The following CORIN variants were observed in gnomAD, a reference collection of about 807,000 sequenced individuals.
CORIN encodes atrial natriuretic peptide-converting enzyme.
A neutral mutation model predicts 125.3 loss-of-function variants in CORIN; 117 were observed. That is an observed-to-expected ratio of 0.93 (90% CI 0.80 to 1.09). The LOEUF is 1.09. CORIN is among the 50% of genes least tolerant of loss of function. The pLI is 0.00. For missense variants in CORIN, 1,253 were observed against 1,306.7 expected, an observed-to-expected ratio of 0.96 and a Z score of 0.63; for synonymous variants, 450 against 466.4, an observed-to-expected ratio of 0.96 and a Z score of 0.45.
intron 6 of CORIN, among the ~76,000 whole-genome samples, chr4:47,689,926 G>C (rs1213720463): frequency 6.6e-6 from 1 of 152,180 alleles, no homozygotes; most frequent in African/African-American, 2.4e-5. Flanking sequence ...GGTTACAGAA[G>C]TGGCCTGCCT....
chr4:47,823,108 C>T (rs1008677663), intron 1 of CORIN, among the ~76,000 whole-genome samples: 2 of 152,172 alleles, frequency 1.3e-5, no homozygotes, highest in African/African-American at 2.4e-5. Context: ...CCACCGTACC[C>T]GGCCCCATTT....
At chr4:47,737,368 GC>G (rs1392551290) in intron 5 of CORIN, among the ~76,000 whole-genome samples, 9 of 152,084 alleles carry the variant, frequency 5.9e-5, no homozygotes, top group Non-Finnish European at 1.0e-4. Flanking sequence ...ACATTTGCTG[GC>G]CCACTGCCTT....
intron 1 of CORIN, among the ~76,000 whole-genome samples, chr4:47,810,204 T>C (rs1045391199): frequency 3.3e-5 from 5 of 152,216 alleles, no homozygotes; most frequent in Admixed American, 6.5e-5. Context: ...TTGTTTTGTT[T>C]TGAGACAGGG....
At position 47,776,089 on chromosome 4, in the gene CORIN, G is replaced by A. The variant is rs13147961; in HGVS notation, c.409+10636C>T. Among the ~76,000 whole-genome samples the A allele has an allele frequency of 4.9e-4, 68 of 137,910 alleles. 2 individuals are homozygous for A. The highest frequency in any genetic ancestry group is 4.6e-4 in the South Asian group (2 of 4,384). 90.5% of individuals were successfully genotyped at this position (137,910 alleles called of 152,430 possible). ...GGCTGGAGTGCAATGGCAAGATCTC[G>A]GCTCACTTCAACTTCAACCTCCCAG... On this transcript the variant is annotated intron_variant, in intron 3 of 21. Transcript: ENST00000273857.
rs764807532 is a variant in CORIN, at chr4:47,643,263, T to A, written c.1958-7A>T. ...TCATCATCTTGGCAAAATGCTGGCA[T>A]GGGGAACAAAAAGTGAGAAGGAAAA... On this transcript the variant is annotated splice_region_variant and splice_polypyrimidine_tract_variant and intron_variant, in intron 14 of 21. Coordinates refer to ENST00000273857, the MANE Select transcript of CORIN (RefSeq NM_006587.4). The A allele has an allele frequency of 7.6e-6, 12 of 1,587,350 alleles. No individual in the cohort carries two copies. The African/African-American group carries it at 1.5e-4, about 20-fold the overall frequency.
At chr4:47,780,548 C>T (rs1012763429) in intron 3 of CORIN, among the ~76,000 whole-genome samples, 22 of 152,112 alleles carry the variant, frequency 1.4e-4, no homozygotes, top group Admixed American at 1.3e-3. Context: ...CTCCAAAAAT[C>T]TACTCCTCCA....
At chr4:47,666,515 T>A (rs866568478) in intron 10 of CORIN, among the ~76,000 whole-genome samples, 3 of 152,216 alleles carry the variant, frequency 2.0e-5, no homozygotes, top group African/African-American at 7.2e-5. Flanking sequence ...CAGGGTAGGA[T>A]AGAGTTTGCA....
chr4:47,806,840 C>G (rs1226730938), intron 2 of CORIN, 63 bp downstream of exon 2: 16 of 1,498,594 alleles, frequency 1.1e-5, no homozygotes, highest in Non-Finnish European at 1.4e-5. Flanking sequence ...GTAGAAATCA[C>G]TCTTCTAGAT....
intron 12 of CORIN, among the ~76,000 whole-genome samples, chr4:47,658,436 A>G (rs1323007079): frequency 6.6e-6 from 1 of 152,236 alleles, no homozygotes. Flanking sequence ...TGGATCTACC[A>G]TTCTGGAGTC....
At chr4:47,630,054 G>T (rs1345804877) in intron 16 of CORIN, among the ~76,000 whole-genome samples, 1 of 152,122 alleles carries the variant, frequency 6.6e-6, no homozygotes, top group African/African-American at 2.4e-5. Flanking sequence ...CATAGTGTTT[G>T]TTACATGGAT....
intron 19 of CORIN, among the ~76,000 whole-genome samples, chr4:47,622,063 T>C (rs369662541): frequency 0.25 from 31,409 of 124,828 alleles, 3,931 homozygotes; most frequent in Admixed American, 0.35. Context: ...TGTGATCTCA[T>C]TGTTCAATTC....
At chr4:47,687,130 C>T (rs1725555736) in intron 6 of CORIN, among the ~76,000 whole-genome samples, 1 of 152,150 alleles carries the variant, frequency 6.6e-6, no homozygotes, top group Non-Finnish European at 1.5e-5. Context: ...GGTTAGAAGC[C>T]ATTTTTAGAA....
At chr4:47,836,839 T>C (rs1375396342) in intron 1 of CORIN, among the ~76,000 whole-genome samples, 1 of 152,178 alleles carries the variant, frequency 6.6e-6, no homozygotes, top group Non-Finnish European at 1.5e-5. Context: ...TGGGTCCCAG[T>C]AAGATCCGAC....
At chr4:47,765,891 G>A (rs1729710213) in intron 3 of CORIN, among the ~76,000 whole-genome samples, 1 of 151,958 alleles carries the variant, frequency 6.6e-6, no homozygotes, top group Admixed American at 6.6e-5. Context: ...TCCTTATTAG[G>A]GAGATTAATG....
At chr4:47,765,198 G>C (rs1440292463) in intron 3 of CORIN, among the ~76,000 whole-genome samples, 1 of 151,722 alleles carries the variant, frequency 6.6e-6, no homozygotes, top group African/African-American at 2.4e-5. Context: ...TGGGGGGCGT[G>C]GTGGCGGGAG....
chr4:47,788,251 G>A (rs909743988), intron 2 of CORIN, among the ~76,000 whole-genome samples: 1 of 152,050 alleles, frequency 6.6e-6, no homozygotes, highest in Non-Finnish European at 1.5e-5. Flanking sequence ...AAAAATAAAA[G>A]AAACATAAAT....
intron 5 of CORIN, among the ~76,000 whole-genome samples, chr4:47,727,689 A>G (rs1403861169): frequency 6.6e-6 from 1 of 152,132 alleles, no homozygotes; most frequent in Non-Finnish European, 1.5e-5. Context: ...AAAAAGGAGC[A>G]AAGTAAAATT....
intron 4 of CORIN, among the ~76,000 whole-genome samples, chr4:47,761,089 T>C (rs573332179): frequency 2.0e-5 from 3 of 152,374 alleles, no homozygotes; most frequent in South Asian, 4.1e-4. Flanking sequence ...TTTCTCCATA[T>C]CAGCAATAAG....
chr4:47,621,863 T>A (rs1021132334), intron 19 of CORIN, among the ~76,000 whole-genome samples: 2 of 151,982 alleles, frequency 1.3e-5, no homozygotes, highest in Non-Finnish European at 2.9e-5. Flanking sequence ...TTTTTTTTTT[T>A]TATACTTTAA....
Sources: allele counts gnomAD v4.1 joint callset (sites outside exome capture counted in the v4.1 genomes callset), GRCh38; gene constraint gnomAD v4.1.1; transcripts MANE v1.5; gene names NCBI Gene and HGNC (gene_info 2026-07-23, HGNC 2026-07-21).